Variants in EZR observed in about 807,000 individuals in gnomAD.
EZR encodes the protein cytovillin 2.
In EZR, 40 loss-of-function variants were observed where a neutral mutation model predicts 74.8. That is an observed-to-expected ratio of 0.53 (90% CI 0.42 to 0.70). The LOEUF is 0.70. Among genes scored for constraint, EZR ranks in the 30% least tolerant of loss-of-function variants. The pLI is 0.00. For missense variants in EZR, 678 were observed against 755.8 expected (o/e 0.90, Z 1.21); for synonymous variants, 341 against 283.3 (o/e 1.20, Z -2.05).
At chr6:158,767,193 C>T in intron 13 of EZR, 68 bp downstream of exon 13, 1 of 1,582,024 alleles carries the variant, frequency 6.3e-7, no homozygotes, top group South Asian at 1.2e-5. Flanking sequence ...CACATCACTG[C>T]CCTCCCCAAG....
intron 7 of EZR, among the ~76,000 whole-genome samples, chr6:158,781,022 T>C (rs1791419625): frequency 6.6e-6 from 1 of 152,188 alleles, no homozygotes; most frequent in Non-Finnish European, 1.5e-5. Flanking sequence ...ATAGAGACTT[T>C]ACTTGCAGAG....
At chr6:158,776,177 G>T (rs1294399302) in intron 8 of EZR, among the ~76,000 whole-genome samples, 1 of 152,198 alleles carries the variant, frequency 6.6e-6, no homozygotes, top group Non-Finnish European at 1.5e-5. Flanking sequence ...CTTATCATTT[G>T]GCCAATGGCT....
intron 2 of EZR, among the ~76,000 whole-genome samples, chr6:158,815,459 A>T (rs1035286999): frequency 2.0e-5 from 3 of 152,206 alleles, no homozygotes; most frequent in Non-Finnish European, 4.4e-5. Flanking sequence ...CTGACCTAAA[A>T]GGAAGCCTCT....
In EZR at chr6:158,766,352, CTGG is replaced by C. The variant is rs1017161966; in HGVS notation, c.*559_*561del. ...CAAGTGTCCTCCTCCACCACTCACG[CTGG>C]TGATCACTGTGCTCTCTGCCAGCTG... On this transcript the variant is annotated 3_prime_UTR_variant, in exon 14 of 14. Transcript: ENST00000367075. 6.6e-6 allele frequency: 1 copy of C among 152,040 alleles called. No homozygotes were observed. Among genetic ancestry groups the C allele is most frequent in the African/African-American group, 2.4e-5 (1 of 41,256 alleles). 9.4% of individuals were successfully genotyped at this position (152,040 alleles called of 1,614,324 possible). A position where few individuals can be genotyped will look rare whatever the true frequency, so the allele number is the denominator to read the frequency against.
In EZR at chr6:158,766,805, A is replaced by C; in HGVS notation, c.*109T>G. 9.0e-7 allele frequency: 1 copy of C among 1,107,198 alleles called. No individual in the cohort carries two copies. The highest frequency in any genetic ancestry group is 2.4e-5 in the East Asian group (1 of 41,794). The allele number at this position is 1,107,198 out of a possible 1,614,324, so 68.6% of individuals were successfully genotyped here. On this transcript the variant is annotated 3_prime_UTR_variant, in exon 14 of 14. Transcript: ENST00000367075. ...CTGTTGGGTAACTGCTTTCTAAAGG[A>C]ACTGGGATCTGAGGGAGTTCCTAGA...
chr6:158,789,994 C>G (rs760972738), intron 2 of EZR, among the ~76,000 whole-genome samples: 1 of 152,072 alleles, frequency 6.6e-6, no homozygotes, highest in African/African-American at 2.4e-5. Context: ...ATGAGCCTTA[C>G]GACAGCCAAG....
intron 7 of EZR, among the ~76,000 whole-genome samples, chr6:158,783,069 T>A (rs1791474650): frequency 6.6e-6 from 1 of 152,226 alleles, no homozygotes; most frequent in Non-Finnish European, 1.5e-5. Flanking sequence ...CTCAAGTGTC[T>A]ACACGTACAG....
chr6:158,767,550 G>A (rs376428023), intron 12 of EZR, 38 bp from the exon 13 acceptor site: 2 of 1,541,396 alleles, frequency 1.3e-6, no homozygotes, highest in South Asian at 1.3e-5. Flanking sequence ...TTCTCACCCA[G>A]AAGTCCTATC....
At chr6:158,779,805 A>AG (rs1188339403) in intron 7 of EZR, among the ~76,000 whole-genome samples, 2 of 152,078 alleles carry the variant, frequency 1.3e-5, no homozygotes, top group African/African-American at 4.8e-5. Context: ...TGAACTCCTG[A>AG]GCTCAAGGGA....
At chr6:158,814,562 T>G (rs1171362240) in intron 2 of EZR, among the ~76,000 whole-genome samples, 3 of 98,050 alleles carry the variant, frequency 3.1e-5, no homozygotes, top group South Asian at 3.2e-4. Flanking sequence ...TTTTTTTTTT[T>G]GAGACAGAGT....
intron 9 of EZR, 59 bp from the exon 10 acceptor site, chr6:158,770,953 C>T: frequency 6.2e-6 from 10 of 1,609,984 alleles, no homozygotes; most frequent in Non-Finnish European, 8.5e-6. Context: ...AGTGAGGGGT[C>T]AACACACTTC....
chr6:158,810,418 C>T (rs1777429174), intron 2 of EZR, among the ~76,000 whole-genome samples: 2 of 152,186 alleles, frequency 1.3e-5, no homozygotes, highest in South Asian at 4.1e-4. Context: ...CTGTGAAGAC[C>T]TCTATCATGC....
chr6:158,784,564 G>A (rs1160853284), intron 6 of EZR, 80 bp downstream of exon 6: 1 of 1,277,654 alleles, frequency 7.8e-7, no homozygotes, highest in Non-Finnish European at 1.1e-6. Context: ...GCCCTTTAAA[G>A]CACTAACTAG....
chr6:158,793,976 G>GA (rs972613119), intron 2 of EZR, among the ~76,000 whole-genome samples: 5 of 151,962 alleles, frequency 3.3e-5, no homozygotes, highest in East Asian at 1.9e-4. Context: ...AGGGCTTGGG[G>GA]AAAAAAAACA....
chr6:158,789,459 A>T (rs1160032959), intron 2 of EZR, 88 bp from the exon 3 acceptor site: 1 of 1,210,492 alleles, frequency 8.3e-7, no homozygotes, highest in Non-Finnish European at 1.2e-6. Flanking sequence ...GCTGCTCCTC[A>T]GTGTGGCGAC....
chr6:158,776,178 G>T (rs1436901645), intron 8 of EZR, among the ~76,000 whole-genome samples: 1 of 152,194 alleles, frequency 6.6e-6, no homozygotes, highest in Non-Finnish European at 1.5e-5. Context: ...TTATCATTTG[G>T]CCAATGGCTC....
At chr6:158,795,558 C>A (rs1305823963) in intron 2 of EZR, among the ~76,000 whole-genome samples, 2 of 152,216 alleles carry the variant, frequency 1.3e-5, no homozygotes, top group African/African-American at 4.8e-5. Context: ...CTAGTGGGCA[C>A]CTAACATGTT....
rs752491639 is a variant in EZR, at chr6:158,767,285, G to A, written c.1572C>T (p.Asn524=). The A allele has an allele frequency of 4.2e-5, 67 of 1,613,754 alleles. 1 individual carries two copies. In the Middle Eastern group the frequency reaches 6.6e-4, roughly 16 times the overall value. ...EEKRITEAEK[N]ERVQRQLLTL... The stretch of plus-strand genomic sequence containing the variant: ...CCAGCAGCTGCCGCTGCACACGCTC[G>A]TTCTTCTCTGCCTCAGTGATGCGCT... The change falls in exon 13 of 14, where the codon AAC becomes AAT. Residue 524 remains asparagine, a synonymous_variant. Coordinates refer to ENST00000367075, the MANE Select transcript of EZR (RefSeq NM_001111077.2).
At chr6:158,803,529 ATATATATATATATATG>A (rs1562504180) in intron 2 of EZR, among the ~76,000 whole-genome samples, 2,356 of 21,088 alleles carry the variant, frequency 0.11, 146 homozygotes, top group African/African-American at 0.12. Flanking sequence ...ATGTAACATT[ATATATATATATATATG>A]TATATATATA....
Sources: allele counts gnomAD v4.1 joint callset (sites outside exome capture counted in the v4.1 genomes callset), GRCh38; gene constraint gnomAD v4.1.1; transcripts MANE v1.5; gene names NCBI Gene and HGNC (gene_info 2026-07-23, HGNC 2026-07-21).